BRINP1: variants seen among roughly 807,000 people sequenced by gnomAD.
BRINP1 encodes the protein BMP/retinoic acid-inducible neural-specific protein 1.
BRINP1 carries 17 observed loss-of-function variants against 72.9 expected under a neutral mutation model. The ratio of observed to expected loss-of-function variants is 0.23; its 90% CI spans 0.16 to 0.35. BRINP1 has a LOEUF of 0.35. BRINP1 is among the 10% of genes least tolerant of loss of function. BRINP1 has a pLI of 1.00. For synonymous variants in BRINP1, 418 were observed against 378.5 expected, an observed-to-expected ratio of 1.10 and a Z score of -1.21; for missense variants, 850 against 1,001.6, an observed-to-expected ratio of 0.85 and a Z score of 2.04.
intron 2 of BRINP1, among the ~76,000 whole-genome samples, chr9:119,249,658 A>G (rs947871042): frequency 6.6e-6 from 1 of 152,074 alleles, no homozygotes; most frequent in African/African-American, 2.4e-5. Flanking sequence ...ATTGTCTTCT[A>G]GTTGTCTGTC....
chr9:119,208,082 T>G (rs186007405), intron 7 of BRINP1, among the ~76,000 whole-genome samples: 5 of 152,296 alleles, frequency 3.3e-5, no homozygotes, highest in Admixed American at 2.6e-4. Flanking sequence ...GCATGGGCCC[T>G]GTCTTGTCCA....
intron 7 of BRINP1, among the ~76,000 whole-genome samples, chr9:119,191,729 G>A (rs1030275960): frequency 4.6e-5 from 7 of 151,690 alleles, no homozygotes; most frequent in African/African-American, 1.5e-4. Flanking sequence ...TAAAAATGTC[G>A]ATGTCAATCT....
chr9:119,226,248 G>A (rs898940607), intron 5 of BRINP1, among the ~76,000 whole-genome samples: 4 of 151,992 alleles, frequency 2.6e-5, no homozygotes, highest in Non-Finnish European at 4.4e-5. Context: ...TATCTCCATG[G>A]AGTCAATAAA....
chr9:119,343,842 T>C (rs1007153457), intron 1 of BRINP1, among the ~76,000 whole-genome samples: 3 of 152,198 alleles, frequency 2.0e-5, no homozygotes, highest in African/African-American at 7.2e-5. Context: ...CAACAATATA[T>C]GATTGTTCAG....
intron 2 of BRINP1, among the ~76,000 whole-genome samples, chr9:119,271,535 A>T (rs1341199217): frequency 6.6e-6 from 1 of 152,166 alleles, no homozygotes; most frequent in African/African-American, 2.4e-5. Flanking sequence ...TATTATTTAT[A>T]TAATACATTC....
At chr9:119,291,122 CAAAA>C (rs66505860) in intron 2 of BRINP1, among the ~76,000 whole-genome samples, 2 of 121,100 alleles carry the variant, frequency 1.7e-5, no homozygotes, top group Non-Finnish European at 3.5e-5. Flanking sequence ...AACTCCATCT[CAAAA>C]AAAAAAAAAA....
chr9:119,350,520 T>C (rs547276846), intron 1 of BRINP1, among the ~76,000 whole-genome samples: 1 of 152,306 alleles, frequency 6.6e-6, no homozygotes, highest in African/African-American at 2.4e-5. Flanking sequence ...TTTGCTTTGC[T>C]GGATGACTCA....
intron 6 of BRINP1, among the ~76,000 whole-genome samples, chr9:119,209,865 G>T (rs1015120724): frequency 6.6e-6 from 1 of 152,132 alleles, no homozygotes; most frequent in African/African-American, 2.4e-5. Flanking sequence ...TCCCCACCCG[G>T]TGATCCAGTG....
Position 119,242,233 on chromosome 9 carries a change from A to T in BRINP1, c.410-17T>A, listed in dbSNP as rs536172694. 1 of 1,612,016 alleles carries T rather than the reference A, an allele frequency of 6.2e-7. No individual in the cohort carries two copies. Among genetic ancestry groups the T allele is most frequent in the East Asian group, 2.2e-5 (1 of 44,850 alleles). On this transcript the variant is annotated splice_polypyrimidine_tract_variant and intron_variant, in intron 3 of 7. Transcript: ENST00000265922. ...CCTCCTCCCCTGGATGGGAAAGAAA[A>T]GTAGATAAGAAGGTTTGTGGAGCTT...
intron 1 of BRINP1, among the ~76,000 whole-genome samples, chr9:119,327,676 ATTAGCAAGAT>A (rs140203076): frequency 0.015 from 2,306 of 152,328 alleles, 26 homozygotes; most frequent in Non-Finnish European, 0.023. Flanking sequence ...GAGAAGCAAA[ATTAGCAAGAT>A]TTGGTGACTG....
intron 5 of BRINP1, among the ~76,000 whole-genome samples, chr9:119,223,460 G>C: frequency 6.6e-6 from 1 of 152,054 alleles, no homozygotes; most frequent in East Asian, 1.9e-4. Flanking sequence ...GTCTCAGGTA[G>C]TCTCTCTGCT....
chr9:119,271,566 T>C (rs578119238), intron 2 of BRINP1, among the ~76,000 whole-genome samples: 1 of 152,136 alleles, frequency 6.6e-6, no homozygotes. Context: ...TGTTTATATA[T>C]GTCCTCATTC....
intron 1 of BRINP1, among the ~76,000 whole-genome samples, chr9:119,315,100 C>T (rs1386546122): frequency 6.6e-6 from 1 of 152,044 alleles, no homozygotes; most frequent in African/African-American, 2.4e-5. Flanking sequence ...GCTATAGTTG[C>T]TCATTTTCTG....
chr9:119,306,680 T>C (rs938891068), intron 2 of BRINP1, among the ~76,000 whole-genome samples: 3 of 152,218 alleles, frequency 2.0e-5, no homozygotes, highest in African/African-American at 7.2e-5. Flanking sequence ...AGGAATACTG[T>C]AGTCAGAGTC....
chr9:119,200,512 T>A (rs1564215276), intron 7 of BRINP1, among the ~76,000 whole-genome samples: 1 of 151,772 alleles, frequency 6.6e-6, no homozygotes, highest in African/African-American at 2.4e-5. Context: ...TAGTTCCAGA[T>A]TCTTGGGAGG....
intron 2 of BRINP1, among the ~76,000 whole-genome samples, chr9:119,257,049 C>A (rs1001901837): frequency 6.6e-6 from 1 of 152,154 alleles, no homozygotes; most frequent in African/African-American, 2.4e-5. Context: ...AAAGTTAATT[C>A]TATAAAGTCC....
chr9:119,335,144 A>G (rs1831335072), intron 1 of BRINP1, among the ~76,000 whole-genome samples: 1 of 152,216 alleles, frequency 6.6e-6, no homozygotes, highest in Non-Finnish European at 1.5e-5. Flanking sequence ...TAAAAGGCTC[A>G]GATAATTTAC....
chr9:119,222,852 A>C (rs1189477061), intron 5 of BRINP1, among the ~76,000 whole-genome samples: 4 of 152,086 alleles, frequency 2.6e-5, no homozygotes, highest in African/African-American at 2.4e-5. Flanking sequence ...AATTTCATAA[A>C]ATTTCAACAT....
chr9:119,321,564 C>A (rs992749374), intron 1 of BRINP1, among the ~76,000 whole-genome samples: 34 of 152,190 alleles, frequency 2.2e-4, no homozygotes, highest in African/African-American at 7.7e-4. Flanking sequence ...ACAAATCCAG[C>A]TCACCGCATC....
Sources: allele counts gnomAD v4.1 joint callset (sites outside exome capture counted in the v4.1 genomes callset), GRCh38; gene constraint gnomAD v4.1.1; transcripts MANE v1.5; gene names NCBI Gene and HGNC (gene_info 2026-07-23, HGNC 2026-07-21).